The following TEX11 variants were observed in gnomAD, a reference collection of about 807,000 sequenced individuals.
TEX11 encodes testis expressed 11.
TEX11 carries 7 observed loss-of-function variants against 84.4 expected under a neutral mutation model. The observed-to-expected ratio is 0.08, with a 90% CI of 0.05 to 0.16. The LOEUF (loss-of-function observed/expected upper bound fraction) is 0.16. TEX11 is among the 10% of genes least tolerant of loss of function. The pLI, the probability that TEX11 is intolerant of heterozygous loss-of-function variation, is 1.00. For missense variants in TEX11, 551 were observed against 660.5 expected (o/e 0.83, Z 1.82); for synonymous variants, 264 against 222.8 (o/e 1.18, Z -1.64).
intron 9 of TEX11, among the ~76,000 whole-genome samples, chrX:70,786,455 G>A (rs181486440): frequency 4.2e-4 from 47 of 111,299 alleles, no homozygotes; most frequent in Admixed American, 1.2e-3. Flanking sequence ...CACATGTACC[G>A]TAGAACTTGA....
At chrX:70,815,053 G>A (rs1224660173) in intron 8 of TEX11, among the ~76,000 whole-genome samples, 1 of 111,579 alleles carries the variant, frequency 9.0e-6, no homozygotes, top group Non-Finnish European at 1.9e-5. Context: ...TTGAGACCAT[G>A]TTGTCATACA....
intron 13 of TEX11, among the ~76,000 whole-genome samples, chrX:70,687,576 T>C (rs753299040): frequency 1.8e-5 from 2 of 111,962 alleles, no homozygotes; most frequent in South Asian, 7.5e-4. Flanking sequence ...CTGTGGTAAT[T>C]TGTTACAATA....
intron 8 of TEX11, among the ~76,000 whole-genome samples, chrX:70,829,481 C>CAAAA (rs60664977): frequency 2.7e-5 from 2 of 72,883 alleles, no homozygotes; most frequent in African/African-American, 6.6e-5. Context: ...CATTCCGTCT[C>CAAAA]AAAAAAAAAA....
At chrX:70,609,850 T>C (rs770717051) in intron 21 of TEX11, among the ~76,000 whole-genome samples, 1 of 110,548 alleles carries the variant, frequency 9.0e-6, no homozygotes, top group South Asian at 3.9e-4. Flanking sequence ...AGGGATGCCA[T>C]GTAAAAAAGC....
At chrX:70,884,371 G>C (rs1190679277) in intron 2 of TEX11, among the ~76,000 whole-genome samples, 1 of 111,655 alleles carries the variant, frequency 9.0e-6, no homozygotes, top group Non-Finnish European at 1.9e-5. Flanking sequence ...TGATAAGCTA[G>C]GACACTCAGA....
intron 25 of TEX11, among the ~76,000 whole-genome samples, chrX:70,560,159 T>C (rs2088346181): frequency 2.7e-5 from 3 of 110,558 alleles, no homozygotes; most frequent in Admixed American, 1.9e-4. Flanking sequence ...TCAATTCTTT[T>C]TTTTTTTTGA....
At chrX:70,817,238 C>A (rs1320553430) in intron 8 of TEX11, among the ~76,000 whole-genome samples, 1 of 88,254 alleles carries the variant, frequency 1.1e-5, no homozygotes. Context: ...CATACACACA[C>A]ACACACATAT....
At chrX:70,780,225 G>T (rs1400858118) in intron 9 of TEX11, among the ~76,000 whole-genome samples, 1 of 111,907 alleles carries the variant, frequency 8.9e-6, no homozygotes, top group Non-Finnish European at 1.9e-5. Context: ...AGTAAGCCAA[G>T]ATCCTTCCAC....
intron 9 of TEX11, among the ~76,000 whole-genome samples, chrX:70,754,082 T>C (rs1006044454): frequency 9.9e-5 from 11 of 111,536 alleles, no homozygotes; most frequent in Non-Finnish European, 2.1e-4. Flanking sequence ...TAAAGGGGAC[T>C]GTGTCTTGCA....
At chrX:70,840,129 C>T (rs899068107) in intron 7 of TEX11, among the ~76,000 whole-genome samples, 3 of 111,180 alleles carry the variant, frequency 2.7e-5, no homozygotes, top group Non-Finnish European at 5.7e-5. Context: ...ATACAGAGAA[C>T]ACCACAAAGA....
intron 15 of TEX11, among the ~76,000 whole-genome samples, chrX:70,678,220 G>A (rs2090091067): frequency 9.1e-6 from 1 of 109,767 alleles, no homozygotes; most frequent in African/African-American, 3.3e-5. Context: ...CTTGTCCTTT[G>A]TGGAGAGGGG....
At chrX:70,578,764 CTTTT>C (rs869110075) in intron 25 of TEX11, among the ~76,000 whole-genome samples, 1 of 50,164 alleles carries the variant, frequency 2.0e-5, no homozygotes, top group African/African-American at 8.6e-5. Context: ...AGTTGAACTT[CTTTT>C]TTTTTTTTTT....
intron 25 of TEX11, among the ~76,000 whole-genome samples, chrX:70,574,950 G>A (rs747309794): frequency 9.0e-6 from 1 of 111,315 alleles, no homozygotes; most frequent in African/African-American, 3.3e-5. Flanking sequence ...AGGTGTTATC[G>A]AGACATAGTA....
chrX:70,519,020 T>C, the TEX11 span, among the ~76,000 whole-genome samples: 2 of 111,954 alleles, frequency 1.8e-5, no homozygotes, highest in Non-Finnish European at 3.8e-5. Context: ...GCGTGTGAGA[T>C]GGGTCTCCTG....
chrX:70,652,997 GT>G (rs1399177750), intron 16 of TEX11, among the ~76,000 whole-genome samples: 2 of 111,330 alleles, frequency 1.8e-5, no homozygotes, highest in Non-Finnish European at 3.8e-5. Context: ...ACATCCACAT[GT>G]AAAAAAGTAG....
At chrX:70,556,967 T>C (rs1447826060) in intron 25 of TEX11, among the ~76,000 whole-genome samples, 1 of 109,328 alleles carries the variant, frequency 9.1e-6, no homozygotes, top group African/African-American at 3.3e-5. Context: ...CAAGTATTTA[T>C]TTATTTATTT....
chrX:70,856,017 C>G (rs1482847312), intron 5 of TEX11, among the ~76,000 whole-genome samples: 2 of 111,450 alleles, frequency 1.8e-5, no homozygotes, highest in Non-Finnish European at 3.8e-5. Flanking sequence ...AAGCATATGA[C>G]TAAGATACAT....
At chrX:70,720,290 G>A (rs1031278084) in intron 13 of TEX11, among the ~76,000 whole-genome samples, 4 of 110,951 alleles carry the variant, frequency 3.6e-5, no homozygotes, top group East Asian at 2.8e-4. Context: ...AACACTGCAT[G>A]TTCTCACTCA....
Position 70,652,517 on chromosome X carries a change from T to C in TEX11, c.1381-965A>G, listed in dbSNP as rs1443676411. The stretch of plus-strand genomic sequence containing the variant: ...ATACAATGTATGTTCAAAATATATG[T>C]ATGTGGGTTGATACACAGTGGTACA... On this transcript the variant is annotated intron_variant, in intron 16 of 29. Coordinates refer to ENST00000374333, the MANE Select transcript of TEX11 (RefSeq NM_031276.3). 1.8e-5 allele frequency among the ~76,000 whole-genome samples: 2 copies of C among 111,915 alleles called. 1 individual carries two copies. The highest frequency in any genetic ancestry group is 1.9e-4 in the Admixed American group (2 of 10,491).
Sources: allele counts gnomAD v4.1 joint callset (sites outside exome capture counted in the v4.1 genomes callset), GRCh38; gene constraint gnomAD v4.1.1; transcripts MANE v1.5; gene names NCBI Gene and HGNC (gene_info 2026-07-23, HGNC 2026-07-21).